The following KIF6 variants were observed in gnomAD, a reference collection of about 807,000 sequenced individuals.
The protein encoded by KIF6 is kinesin-like protein KIF6.
KIF6 carries 106 observed loss-of-function variants against 112.7 expected under a neutral mutation model. The observed-to-expected ratio is 0.94, with a 90% CI of 0.80 to 1.11. The LOEUF (loss-of-function observed/expected upper bound fraction) is 1.11. Among genes scored for constraint, KIF6 ranks in the 50% least tolerant of loss-of-function variants. The pLI is 0.00. For missense variants in KIF6, 929 were observed against 964.0 expected (o/e 0.96, Z 0.48); for synonymous variants, 339 against 339.9 (o/e 1.00, Z 0.03).
At position 39,372,430 on chromosome 6, in the gene KIF6, TA is replaced by T. The variant is rs530240224; in HGVS notation, c.1862-9913del. Among the ~76,000 whole-genome samples the T allele has an allele frequency of 1.9e-4, 29 of 152,320 alleles. No homozygotes were observed. In the East Asian group the frequency reaches 5.4e-3, roughly 28 times the overall value. The stretch of plus-strand genomic sequence containing the variant: ...ACCTTTAAGTAAAATGATCCTGACA[TA>T]AATGGTAGTAAGGAGAATTAAGATT... On this transcript the variant is annotated intron_variant, in intron 16 of 22. Transcript: ENST00000287152.
intron 3 of KIF6, among the ~76,000 whole-genome samples, chr6:39,704,890 T>C (rs767908804): frequency 6.6e-6 from 1 of 152,246 alleles, no homozygotes; most frequent in African/African-American, 2.4e-5. Flanking sequence ...CTATAGTGCT[T>C]TAAATCAAGA....
intron 13 of KIF6, among the ~76,000 whole-genome samples, chr6:39,476,397 C>T (rs531745480): frequency 6.6e-6 from 1 of 152,074 alleles, no homozygotes; most frequent in South Asian, 2.1e-4. Flanking sequence ...GTTCATAAAA[C>T]TAACAGACAA....
chr6:39,446,273 T>A (rs1772308419), intron 13 of KIF6, among the ~76,000 whole-genome samples: 1 of 152,174 alleles, frequency 6.6e-6, no homozygotes, highest in Non-Finnish European at 1.5e-5. Flanking sequence ...ACCTTGTGCA[T>A]CTCTCCATTT....
chr6:39,577,345 C>G (rs566208521), intron 10 of KIF6, among the ~76,000 whole-genome samples: 1 of 152,352 alleles, frequency 6.6e-6, no homozygotes, highest in East Asian at 1.9e-4. Context: ...TATAGTATAT[C>G]TTTAGAAATC....
chr6:39,445,584 G>A (rs1361748302), intron 13 of KIF6, among the ~76,000 whole-genome samples: 1 of 152,186 alleles, frequency 6.6e-6, no homozygotes, highest in Non-Finnish European at 1.5e-5. Context: ...CAAAGTTTAT[G>A]TTAAAAGGCA....
Position 39,336,171 on chromosome 6 carries a change from G to T in KIF6, c.*361C>A. The stretch of plus-strand genomic sequence containing the variant: ...CATTCCACTGGTGTGAGCATCCTCT[G>T]ACATTATATTTTGATGGTGCTATTT... On this transcript the variant is annotated 3_prime_UTR_variant, in exon 23 of 23. Coordinates refer to ENST00000287152, the MANE Select transcript of KIF6 (RefSeq NM_145027.6). The T allele has an allele frequency of 4.9e-6, 1 of 206,070 alleles. No homozygotes were observed. Among genetic ancestry groups the T allele is most frequent in the South Asian group, 1.2e-4 (1 of 8,480 alleles). 12.8% of individuals were successfully genotyped at this position (206,070 alleles called of 1,614,324 possible). A position where few individuals can be genotyped will look rare whatever the true frequency, so the allele number is the denominator to read the frequency against.
intron 13 of KIF6, among the ~76,000 whole-genome samples, chr6:39,456,687 C>A (rs62402238): frequency 0.076 from 6,120 of 80,232 alleles, 125 homozygotes; most frequent in African/African-American, 0.17. Flanking sequence ...TCTACCAAGC[C>A]AATGGAAAAC....
intron 16 of KIF6, among the ~76,000 whole-genome samples, chr6:39,375,817 A>T (rs527712384): frequency 1.5e-3 from 233 of 152,340 alleles, no homozygotes; most frequent in African/African-American, 5.2e-3. Flanking sequence ...GGTTCTGCTT[A>T]TCTGGACAAC....
At chr6:39,724,894 A>G (rs1790446304) in intron 1 of KIF6, among the ~76,000 whole-genome samples, 1 of 152,144 alleles carries the variant, frequency 6.6e-6, no homozygotes, top group African/African-American at 2.4e-5. Context: ...GTTTCCCAGA[A>G]AGGTGCAATA....
chr6:39,541,871 C>T (rs1485985200), intron 12 of KIF6, among the ~76,000 whole-genome samples: 1 of 152,106 alleles, frequency 6.6e-6, no homozygotes, highest in East Asian at 1.9e-4. Flanking sequence ...GAAACAGGCC[C>T]GGAAGTGGCT....
intron 13 of KIF6, among the ~76,000 whole-genome samples, chr6:39,489,294 TG>T (rs1009286723): frequency 6.6e-6 from 1 of 152,202 alleles, no homozygotes; most frequent in Admixed American, 6.5e-5. Flanking sequence ...ATTTTGTTTT[TG>T]GTCTCAAACC....
chr6:39,541,551 T>G (rs1582092080), intron 12 of KIF6, among the ~76,000 whole-genome samples: 1 of 152,224 alleles, frequency 6.6e-6, no homozygotes, highest in African/African-American at 2.4e-5. Context: ...GCTTGTGCTA[T>G]AGATGCCAGG....
At chr6:39,394,829 AG>A (rs1398104927) in intron 15 of KIF6, among the ~76,000 whole-genome samples, 21 of 152,320 alleles carry the variant, frequency 1.4e-4, no homozygotes, top group African/African-American at 4.3e-4. Flanking sequence ...TCACAGAGAG[AG>A]GGGGAAAGCA....
At chr6:39,720,655 A>T in intron 2 of KIF6, 47 bp downstream of exon 2, 1 of 952,434 alleles carries the variant, frequency 1.0e-6, no homozygotes, top group Non-Finnish European at 1.7e-6. Context: ...TACAAGAGTT[A>T]GTTCAATAAT....
At chr6:39,537,794 T>C (rs1778534280) in intron 13 of KIF6, among the ~76,000 whole-genome samples, 1 of 152,202 alleles carries the variant, frequency 6.6e-6, no homozygotes, top group Non-Finnish European at 1.5e-5. Context: ...GCTGGAGGCA[T>C]CACGCTACCT....
intron 3 of KIF6, among the ~76,000 whole-genome samples, chr6:39,654,198 C>A (rs1439855859): frequency 1.3e-5 from 2 of 152,110 alleles, no homozygotes; most frequent in Non-Finnish European, 2.9e-5. Context: ...GCAAGGAGGA[C>A]AAGACACCAG....
intron 9 of KIF6, among the ~76,000 whole-genome samples, chr6:39,580,576 A>G (rs549823790): frequency 6.6e-6 from 1 of 152,276 alleles, no homozygotes; most frequent in East Asian, 1.9e-4. Context: ...TGATGTTTTC[A>G]AAGTATGGTT....
At chr6:39,599,797 C>A (rs74518761) in intron 6 of KIF6, among the ~76,000 whole-genome samples, 2,957 of 152,200 alleles carry the variant, frequency 0.019, 89 homozygotes, top group African/African-American at 0.067. Flanking sequence ...TCTTTAGCTT[C>A]GAAACTGATA....
chr6:39,569,012 G>C lies in KIF6; in HGVS notation c.1181+9044C>G, dbSNP rs188666259. 8.0e-4 allele frequency among the ~76,000 whole-genome samples: 122 copies of C among 152,032 alleles called. 1 individual carries two copies. The Middle Eastern group carries it at 0.017, about 21-fold the overall frequency. ...CTCTCCAGGTCTACTTCTCATCTTT[G>C]AGGTTCATAGTTTCCTGAAATCCAC... is the stretch of plus-strand genomic sequence containing the variant. On this transcript the variant is annotated intron_variant, in intron 10 of 22. Transcript: ENST00000287152.
Sources: allele counts gnomAD v4.1 joint callset (sites outside exome capture counted in the v4.1 genomes callset), GRCh38; gene constraint gnomAD v4.1.1; transcripts MANE v1.5; gene names NCBI Gene and HGNC (gene_info 2026-07-23, HGNC 2026-07-21).